The following CUBN variants were observed in gnomAD, a reference collection of about 807,000 sequenced individuals.
CUBN encodes 460 kDa receptor.
Under a neutral mutation model 405.3 loss-of-function variants are expected in CUBN, and 282 were observed. The ratio of observed to expected loss-of-function variants is 0.70; its 90% CI spans 0.63 to 0.77. CUBN has a LOEUF of 0.77. Ranked by LOEUF, CUBN falls within the 30% of genes least tolerant of loss-of-function variation. CUBN has a pLI of 0.00. For missense variants in CUBN, 4,514 were observed against 4,475.2 expected, an observed-to-expected ratio of 1.01 and a Z score of -0.25; for synonymous variants, 1,684 against 1,617.0, an observed-to-expected ratio of 1.04 and a Z score of -0.99.
intron 58 of CUBN, among the ~76,000 whole-genome samples, chr10:16,872,557 C>A (rs559898552): frequency 6.6e-6 from 1 of 152,136 alleles, no homozygotes; most frequent in South Asian, 2.1e-4. Context: ...TTATAAGAGG[C>A]CCTTCCAGCT....
chr10:17,050,030 G>A (rs539935205), intron 22 of CUBN, among the ~76,000 whole-genome samples: 20 of 152,100 alleles, frequency 1.3e-4, no homozygotes, highest in Admixed American at 1.2e-3. Flanking sequence ...TGGAAACGAA[G>A]GGGACTGGTA....
At chr10:17,085,904 G>A in intron 15 of CUBN, 145 bp from the exon 16 acceptor site, 1 of 735,646 alleles carries the variant, frequency 1.4e-6, no homozygotes, top group South Asian at 1.7e-5. Flanking sequence ...GTAACTCATG[G>A]CTGAGGTTCA....
intron 56 of CUBN, 47 bp downstream of exon 56, chr10:16,888,370 T>C (rs759014711): frequency 1.4e-6 from 2 of 1,468,122 alleles, no homozygotes; most frequent in Non-Finnish European, 1.9e-6. Flanking sequence ...AAATATACAA[T>C]TTTTGTTTGT....
intron 22 of CUBN, among the ~76,000 whole-genome samples, chr10:17,058,114 C>T (rs117079588): frequency 0.038 from 5,693 of 151,432 alleles, 260 homozygotes; most frequent in South Asian, 0.23. Flanking sequence ...AGAGAGACTC[C>T]GTCTCAAAAA....
chr10:16,865,941 A>AGTCTGGT lies in CUBN; in HGVS notation c.9454+3694_9454+3695insACCAGAC, dbSNP rs529113994. Among the ~76,000 whole-genome samples the AGTCTGGT allele has an allele frequency of 3.0e-4, 45 of 152,220 alleles. 1 individual carries two copies. The South Asian group carries it at 9.3e-3, about 32-fold the overall frequency. ...CATTCTTGAAGTCAGTGAGACCACA[A>AGTCTGGT]ACCCACCAGAAGGAACCAACTCCAG... On this transcript the variant is annotated intron_variant, in intron 59 of 66. Transcript: ENST00000377833.
chr10:16,838,029 G>A (rs528455305), intron 62 of CUBN, among the ~76,000 whole-genome samples: 1 of 152,286 alleles, frequency 6.6e-6, no homozygotes, highest in South Asian at 2.1e-4. Flanking sequence ...CCACTTGGCT[G>A]TAAGTCCTCT....
intron 59 of CUBN, among the ~76,000 whole-genome samples, chr10:16,856,358 T>C (rs904582063): frequency 6.6e-6 from 1 of 152,136 alleles, no homozygotes; most frequent in African/African-American, 2.4e-5. Context: ...TGGAAATATC[T>C]CTCTCACACA....
At chr10:17,085,498 A>T (rs1836085189) in intron 16 of CUBN, 99 bp downstream of exon 16, 1 of 1,204,404 alleles carries the variant, frequency 8.3e-7, no homozygotes, top group Non-Finnish European at 1.2e-6. Context: ...GGTCTAAGAC[A>T]GTCAGTCATC....
chr10:17,126,512 G>A (rs1837194381), intron 4 of CUBN, among the ~76,000 whole-genome samples: 1 of 152,142 alleles, frequency 6.6e-6, no homozygotes, highest in African/African-American at 2.4e-5. Context: ...TGTGGGCTGT[G>A]GGCTGCAAAC....
chr10:16,982,792 C>A (rs1211526448), intron 30 of CUBN, 139 bp from the exon 31 acceptor site: 3 of 760,934 alleles, frequency 3.9e-6, no homozygotes, highest in Admixed American at 2.0e-5. Flanking sequence ...AATTTGATAT[C>A]CACATTAAGC....
rs769326338 is a variant in CUBN, at chr10:17,019,981, G to C, written c.4020C>G (p.Leu1340=). 6.2e-7 allele frequency: 1 copy of C among 1,614,108 alleles called. No individual in the cohort carries two copies. Among genetic ancestry groups the C allele is most frequent in the Non-Finnish European group, 8.5e-7 (1 of 1,179,966 alleles). Residue 1340 remains leucine, a splice_region_variant and synonymous_variant, in exon 28 of 67, where the codon CTC becomes CTG. Transcript: ENST00000377833. ...HINCSTDYLE[L]YDGPRQMGRY... ...GTCCCATCTGCCGTGGTCCATCATAGAGCTGAAATTGAAGAGAAACTTTCC... is the reference window on the plus strand; with the variant it reads ...GTCCCATCTGCCGTGGTCCATCATACAGCTGAAATTGAAGAGAAACTTTCC...
In CUBN at chr10:17,039,035, G is replaced by A. The variant is rs370545338; in HGVS notation, c.4017+1998C>T. 3.9e-4 allele frequency among the ~76,000 whole-genome samples: 59 copies of A among 152,154 alleles called. No homozygotes were observed. In the East Asian group the frequency reaches 9.5e-3, roughly 24 times the overall value. ...TTGCCATTTCATCCTCAAATGAGTC[G>A]AAAGAAATGGAGTTCAGGTCCTGGA... On this transcript the variant is annotated intron_variant, in intron 27 of 66. Transcript: ENST00000377833.
At chr10:17,067,292 TGTAAA>T (rs1485473525) in intron 21 of CUBN, among the ~76,000 whole-genome samples, 1 of 152,168 alleles carries the variant, frequency 6.6e-6, no homozygotes, top group Non-Finnish European at 1.5e-5. Context: ...AAAATTCATG[TGTAAA>T]GTAGAGACAT....
At chr10:16,925,819 A>C (rs1478095712) in intron 41 of CUBN, 45 bp from the exon 42 acceptor site, 8 of 1,569,952 alleles carry the variant, frequency 5.1e-6, no homozygotes, top group Non-Finnish European at 7.0e-6. Context: ...TAGCATTGGC[A>C]ACTGGATTTT....
At chr10:16,851,677 ACTCTATCTTTCCCTCCCTCC>A (rs1268092283) in intron 59 of CUBN, among the ~76,000 whole-genome samples, 2 of 52,008 alleles carry the variant, frequency 3.8e-5, no homozygotes, top group Non-Finnish European at 7.1e-5. Context: ...TCCCTCCCTC[ACTCTATCTTTCCCTCCCTCC>A]CTCTATCTTT....
intron 43 of CUBN, 74 bp downstream of exon 43, chr10:16,925,167 A>G: frequency 7.5e-7 from 1 of 1,325,076 alleles, no homozygotes; most frequent in Non-Finnish European, 1.1e-6. Flanking sequence ...TTGGTTCAGA[A>G]AAGAAAATTT....
intron 17 of CUBN, among the ~76,000 whole-genome samples, chr10:17,076,162 T>C (rs1835849837): frequency 6.6e-6 from 1 of 152,126 alleles, no homozygotes; most frequent in African/African-American, 2.4e-5. Flanking sequence ...CCCCAACTAA[T>C]GAAATTCAAG....
intron 54 of CUBN, among the ~76,000 whole-genome samples, chr10:16,898,066 G>GTATATATATATATATATATATATATA (rs10551726): frequency 4.9e-4 from 71 of 145,004 alleles, no homozygotes; most frequent in African/African-American, 1.8e-3. Flanking sequence ...TTTATTATAT[G>GTATATATATATATATATATATATATA]TATATATATA....
rs1840446034 is a variant in CUBN at position 16,874,491 on chromosome 10, ACAC to A, written c.9116_9118del (p.Gly3039del). The A allele has an allele frequency of 1.2e-6, 2 of 1,614,216 alleles. No individual in the cohort carries two copies. Among genetic ancestry groups the A allele is most frequent in the Non-Finnish European group, 1.7e-6 (2 of 1,180,016 alleles). ...GATGATTCCAGAAGAGAAATTGAAC[ACAC>A]CACCACAGGCTGCAACAGAAGACAA... On this transcript the variant is annotated inframe_deletion, in exon 58 of 67. Coordinates refer to ENST00000377833, the MANE Select transcript of CUBN (RefSeq NM_001081.4).
Sources: allele counts gnomAD v4.1 joint callset (sites outside exome capture counted in the v4.1 genomes callset), GRCh38; gene constraint gnomAD v4.1.1; transcripts MANE v1.5; gene names NCBI Gene and HGNC (gene_info 2026-07-23, HGNC 2026-07-21).